The following PTPA variants were observed in gnomAD, a reference collection of about 807,000 sequenced individuals.
PTPA encodes the protein protein phosphatase 2 phosphatase activator, also known as serine/threonine-protein phosphatase 2A activator.
Under a neutral mutation model 43.6 loss-of-function variants are expected in PTPA, and 13 were observed. The observed-to-expected ratio is 0.30, with a 90% CI of 0.19 to 0.47. The LOEUF (loss-of-function observed/expected upper bound fraction) is 0.47, where lower values mean the gene tolerates loss of function less well. Ranked by LOEUF, PTPA falls within the 20% of genes least tolerant of loss-of-function variation. The probability of loss-of-function intolerance (pLI) is 0.99; values close to 1 mark genes in which losing one functional copy is unlikely to be tolerated. For missense variants in PTPA, 329 were observed against 411.9 expected (o/e 0.80, Z 1.74); for synonymous variants, 172 against 158.2 (o/e 1.09, Z -0.66).
chr9:129,111,538 G>C lies in PTPA; in HGVS notation c.-63G>C. 1 of 1,280,164 alleles carries C rather than the reference G, an allele frequency of 7.8e-7. No individual in the cohort carries two copies. Among genetic ancestry groups the C allele is most frequent in the Non-Finnish European group, 9.9e-7 (1 of 1,005,046 alleles). The allele number at this position is 1,280,164 out of a possible 1,614,324, so 79.3% of individuals were successfully genotyped here. On this transcript the variant is annotated 5_prime_UTR_variant, in exon 1 of 10. Coordinates refer to ENST00000393370, the MANE Select transcript of PTPA (RefSeq NM_178000.3). ...GGTGGAGCCGGGGAGAGGAAGGGTG[G>C]GTGCAAGAGTGAAAGGCGAGAGGGG...
intron 1 of PTPA, among the ~76,000 whole-genome samples, chr9:129,112,946 C>CA (rs1554728891): frequency 0.1 from 15,096 of 145,914 alleles, 2,472 homozygotes; most frequent in African/African-American, 0.35. Flanking sequence ...CGTCACCCCC[C>CA]AAAAAAAAAA....
chr9:129,120,616 A>G lies in PTPA; in HGVS notation c.129+6A>G, dbSNP rs201698259. On this transcript the variant is annotated splice_donor_region_variant and intron_variant, in intron 2 of 9. Transcript: ENST00000393370. ...GCAAATGGAAGCGTTCTCAGGTACC[A>G]TTTGGAACTGTGGTGAGAAACTTGG... 29 of 1,606,724 alleles carry G rather than the reference A, an allele frequency of 1.8e-5. No individual in the cohort carries two copies. In the African/African-American group the frequency reaches 3.1e-4, roughly 17 times the overall value.
intron 8 of PTPA, chr9:129,140,002 G>A (rs1850651587): frequency 6.6e-6 from 1 of 152,548 alleles, no homozygotes; most frequent in Admixed American, 6.5e-5. Flanking sequence ...TGGGAAGGGA[G>A]GGATCAGATT....
At chr9:129,139,126 C>T (rs1005069051) in intron 8 of PTPA, among the ~76,000 whole-genome samples, 1 of 152,184 alleles carries the variant, frequency 6.6e-6, no homozygotes, top group African/African-American at 2.4e-5. Flanking sequence ...CGGCGGCTGG[C>T]CAGGCCTCTG....
At chr9:129,120,665 C>T in intron 2 of PTPA, 55 bp downstream of exon 2, 1 of 1,497,404 alleles carries the variant, frequency 6.7e-7, no homozygotes, top group Non-Finnish European at 9.3e-7. Flanking sequence ...AGTGGTTTTC[C>T]TAGCATGACG....
At chr9:129,120,453 G>A in intron 1 of PTPA, 60 bp from the exon 2 acceptor site, 3 of 1,111,588 alleles carry the variant, frequency 2.7e-6, no homozygotes, top group Non-Finnish European at 3.9e-6. Context: ...GAAAGGGAGT[G>A]TGTGTGTTGT....
At chr9:129,131,871 G>A (rs1039173192) in intron 5 of PTPA, among the ~76,000 whole-genome samples, 1 of 152,220 alleles carries the variant, frequency 6.6e-6, no homozygotes, top group Non-Finnish European at 1.5e-5. Context: ...GGGAGCTGAT[G>A]CCCCGTGCAT....
At chr9:129,115,952 C>T (rs1564181730) in intron 1 of PTPA, among the ~76,000 whole-genome samples, 1 of 152,120 alleles carries the variant, frequency 6.6e-6, no homozygotes, top group African/African-American at 2.4e-5. Context: ...CAACTGCCTC[C>T]TGGGTTCAAG....
At chr9:129,128,395 G>A (rs1191210289) in intron 3 of PTPA, among the ~76,000 whole-genome samples, 3 of 152,036 alleles carry the variant, frequency 2.0e-5, no homozygotes, top group Non-Finnish European at 4.4e-5. Flanking sequence ...AATTAGCTGG[G>A]CGTGGTGGTG....
chr9:129,141,567 G>C (rs1422348306), intron 8 of PTPA: 1 of 152,342 alleles, frequency 6.6e-6, no homozygotes, highest in African/African-American at 2.4e-5. Flanking sequence ...AGGGGGATAT[G>C]CTCAGGCACA....
At chr9:129,128,302 G>A (rs970731987) in intron 3 of PTPA, among the ~76,000 whole-genome samples, 1 of 152,174 alleles carries the variant, frequency 6.6e-6, no homozygotes, top group East Asian at 1.9e-4. Context: ...TTGGGAGGCC[G>A]ATGCAGGTGC....
chr9:129,123,609 T>G (rs940420908), intron 3 of PTPA, among the ~76,000 whole-genome samples: 26 of 152,230 alleles, frequency 1.7e-4, no homozygotes, highest in Non-Finnish European at 2.9e-5. Flanking sequence ...TGTGAATAGA[T>G]GGATATTTAT....
intron 7 of PTPA, among the ~76,000 whole-genome samples, chr9:129,136,980 T>C (rs1041512236): frequency 5.3e-5 from 8 of 152,192 alleles, no homozygotes; most frequent in Non-Finnish European, 8.8e-5. Flanking sequence ...TCCACTGTTA[T>C]TATCGAGCTG....
chr9:129,138,253 G>T (rs964773594), intron 8 of PTPA: 12 of 173,896 alleles, frequency 6.9e-5, no homozygotes, highest in Non-Finnish European at 1.5e-4. Flanking sequence ...CCACGGCTGG[G>T]TTCTGGAACT....
At chr9:129,144,514 G>A (rs925610625) in intron 9 of PTPA, among the ~76,000 whole-genome samples, 7 of 151,772 alleles carry the variant, frequency 4.6e-5, no homozygotes, top group African/African-American at 9.7e-5. Context: ...CGAGGTGGGC[G>A]GATCACGAGG....
intron 1 of PTPA, 192 bp downstream of exon 1, chr9:129,111,823 C>T: frequency 8.2e-7 from 1 of 1,222,104 alleles, no homozygotes; most frequent in African/African-American, 1.6e-5. Flanking sequence ...GGGAGGGAAC[C>T]AGGGGCTGCA....
rs528562861 is a variant in PTPA, at chr9:129,137,059, A to G, written c.685+464A>G. 2.0e-5 allele frequency among the ~76,000 whole-genome samples: 3 copies of G among 152,352 alleles called. No homozygotes were observed. In the South Asian group the frequency reaches 6.2e-4, roughly 32 times the overall value. On this transcript the variant is annotated intron_variant, in intron 7 of 9. Transcript: ENST00000393370. ...GGTGGGCCTGCTTCCTGTGGGGCTCAGAGAGGCCTGCTCTGGTGACTCCCC... is the reference window on the plus strand; with the variant it reads ...GGTGGGCCTGCTTCCTGTGGGGCTCGGAGAGGCCTGCTCTGGTGACTCCCC...
At chr9:129,131,714 G>T in intron 5 of PTPA, 75 bp downstream of exon 5, 1 of 1,404,110 alleles carries the variant, frequency 7.1e-7, no homozygotes, top group Admixed American at 1.7e-5. Context: ...TGGTCTCTGG[G>T]CCCTCTGAGC....
At chr9:129,115,625 C>G (rs1289133631) in intron 1 of PTPA, among the ~76,000 whole-genome samples, 7 of 136,196 alleles carry the variant, frequency 5.1e-5, no homozygotes, top group Middle Eastern at 3.6e-3. Context: ...TACTCTTCCA[C>G]TTTAGGGAGA....
Sources: allele counts gnomAD v4.1 joint callset (sites outside exome capture counted in the v4.1 genomes callset), GRCh38; gene constraint gnomAD v4.1.1; transcripts MANE v1.5; gene names NCBI Gene and HGNC (gene_info 2026-07-23, HGNC 2026-07-21).